Variants in GP9 observed in about 807,000 individuals in gnomAD.
The protein encoded by GP9 is glycoprotein IX platelet.
For missense variants in GP9, 228 were observed against 241.8 expected (o/e 0.94, Z 0.38); for synonymous variants, 116 against 116.7 (o/e 0.99, Z 0.04).
upstream of GP9, among the ~76,000 whole-genome samples, chr3:129,058,801 T>C (rs936297013): frequency 6.6e-6 from 1 of 152,274 alleles, no homozygotes; most frequent in East Asian, 1.9e-4. Flanking sequence ...ACCTCTGCTA[T>C]GCACTGCTGC....
chr3:129,061,461 C>T (rs941584423), intron 1 of GP9, 33 bp from the exon 2 acceptor site: 73 of 562,412 alleles, frequency 1.3e-4, no homozygotes, highest in Non-Finnish European at 2.1e-4. Flanking sequence ...AAGTCCCTTC[C>T]CCTTCCCAAA....
rs749625028 is a variant in GP9, at chr3:129,061,950, T to C, written c.211T>C (p.Phe71Leu). The C allele has an allele frequency of 1.2e-6, 2 of 1,613,768 alleles. No homozygotes were observed. Among genetic ancestry groups the C allele is most frequent in the African/African-American group, 1.3e-5 (1 of 74,928 alleles). The change falls in exon 3 of 3, where the codon TTT (phenylalanine) becomes CTT (leucine). Residue 71 changes from phenylalanine to leucine, a missense_variant. Transcript: ENST00000307395. Reference protein sequence around the residue: ...NSLQSVPPGAFDHLPQLQTLD... With the variant: ...NSLQSVPPGALDHLPQLQTLD... ...CCTTCAGTCCGTGCCCCCGGGAGCCTTTGACCACCTGCCCCAGCTGCAGAC... is the reference window on the plus strand; with the variant it reads ...CCTTCAGTCCGTGCCCCCGGGAGCCCTTGACCACCTGCCCCAGCTGCAGAC...
upstream of GP9, among the ~76,000 whole-genome samples, chr3:129,057,830 C>CTTTTTTTT (rs869136524): frequency 8.1e-6 from 1 of 123,928 alleles, no homozygotes; most frequent in Non-Finnish European, 1.8e-5. Context: ...TAGGTTGCTT[C>CTTTTTTTT]TTTTTTTTTT....
At position 129,061,543 on chromosome 3, in the gene GP9, C is replaced by T. The variant is rs999397460; in HGVS notation, c.-89C>T. ...CGGTGTCCAGAGACAGTTAGCCAGGCCTGGGCTGGGCACACTCCACCTTCC... is the reference window on the plus strand; with the variant it reads ...CGGTGTCCAGAGACAGTTAGCCAGGTCTGGGCTGGGCACACTCCACCTTCC... On this transcript the variant is annotated 5_prime_UTR_variant, in exon 2 of 3. Coordinates refer to ENST00000307395, the MANE Select transcript of GP9 (RefSeq NM_000174.5). The T allele has an allele frequency of 3.1e-6, 2 of 636,306 alleles. No individual in the cohort carries two copies. The highest frequency in any genetic ancestry group is 2.3e-5 in the Admixed American group (1 of 43,034). 39.4% of individuals were successfully genotyped at this position (636,306 alleles called of 1,614,324 possible).
chr3:129,059,735 C>T (rs1450126439), upstream of GP9, among the ~76,000 whole-genome samples: 1 of 152,176 alleles, frequency 6.6e-6, no homozygotes, highest in African/African-American at 2.4e-5. Flanking sequence ...GAACAGGCGG[C>T]CTCCCAAGGA....
At chr3:129,057,567 G>C (rs963411635), upstream of GP9, among the ~76,000 whole-genome samples, 1 of 152,128 alleles carries the variant, frequency 6.6e-6, no homozygotes, top group Non-Finnish European at 1.5e-5. Flanking sequence ...TGACCACAGG[G>C]GCACGGGTTT....
At position 129,062,274 on chromosome 3, in the gene GP9, G is replaced by T; in HGVS notation, c.*1G>T. On this transcript the variant is annotated 3_prime_UTR_variant, in exon 3 of 3. Transcript: ENST00000307395. ...TGCCACCACAGAGGCCCTGGATTGA[G>T]CCAGGCCCCCAGAACCCCTGGCTCC... 1 of 1,544,112 alleles carries T rather than the reference G, an allele frequency of 6.5e-7. No homozygotes were observed. The highest frequency in any genetic ancestry group is 8.7e-7 in the Non-Finnish European group (1 of 1,143,572).
chr3:129,061,487 T>A lies in GP9; in HGVS notation c.-138-7T>A. On this transcript the variant is annotated splice_polypyrimidine_tract_variant and splice_region_variant and intron_variant, in intron 1 of 2. Transcript: ENST00000307395. ...CCTTCCCAAAAACAAACTTACCCAA[T>A]CCACAGCCGCCCTCACCGCCCGGCC... The A allele has an allele frequency of 1.7e-6, 1 of 588,586 alleles. No individual in the cohort carries two copies. The highest frequency in any genetic ancestry group is 3.0e-6 in the Non-Finnish European group (1 of 328,972). The allele number at this position is 588,586 out of a possible 1,614,324, so 36.5% of individuals were successfully genotyped here. A position where few individuals can be genotyped will look rare whatever the true frequency, so the allele number is the denominator to read the frequency against.
chr3:129,062,305 AG>A lies in GP9; in HGVS notation c.*37del. ...CCCCCAGAACCCCTGGCTCCAGGCC[AG>A]GGGGCCAGTCCCTGAGGCAGGTCCC... On this transcript the variant is annotated 3_prime_UTR_variant, in exon 3 of 3. Transcript: ENST00000307395. 1.4e-5 allele frequency: 21 copies of A among 1,475,712 alleles called. No individual in the cohort carries two copies. The highest frequency in any genetic ancestry group is 3.7e-5 in the South Asian group (3 of 81,652). 91.4% of individuals were successfully genotyped at this position (1,475,712 alleles called of 1,614,324 possible).
upstream of GP9, among the ~76,000 whole-genome samples, chr3:129,056,174 G>T (rs1946520542): frequency 6.6e-6 from 1 of 152,214 alleles, no homozygotes; most frequent in South Asian, 2.1e-4. Flanking sequence ...CAAGTAAGTA[G>T]CAAAACCAGG....
the GP9 span, among the ~76,000 whole-genome samples, chr3:129,055,334 A>G: frequency 4.6e-5 from 7 of 152,252 alleles, no homozygotes; most frequent in Non-Finnish European, 1.0e-4. Context: ...TTAAGAAAGA[A>G]AGTTTGTATG....
upstream of GP9, among the ~76,000 whole-genome samples, chr3:129,056,865 C>A (rs543089180): frequency 6.6e-6 from 1 of 152,258 alleles, no homozygotes; most frequent in Admixed American, 6.5e-5. Flanking sequence ...GGCTAGCCTA[C>A]CACGAAGCTT....
chr3:129,061,254 C>T (rs551488849), intron 1 of GP9, among the ~76,000 whole-genome samples: 5 of 152,310 alleles, frequency 3.3e-5, no homozygotes, highest in East Asian at 1.9e-4. Context: ...AGCCAGTGTC[C>T]CTGTCCTGCT....
upstream of GP9, among the ~76,000 whole-genome samples, chr3:129,060,125 G>C (rs1385716734): frequency 1.3e-5 from 2 of 152,162 alleles, no homozygotes; most frequent in Admixed American, 6.5e-5. Flanking sequence ...ATGGAAAATG[G>C]TGTCCCTCCC....
chr3:129,060,912 G>A (rs1221279330), intron 1 of GP9, 62 bp downstream of exon 1: 1 of 152,622 alleles, frequency 6.6e-6, no homozygotes, highest in Non-Finnish European at 1.5e-5. Context: ...GTCAGTTCCT[G>A]TCCCTTTAAC....
rs1559984626 is a variant in GP9 at position 129,062,176 on chromosome 3, C to CG, written c.442dup (p.Val148GlyfsTer67). 2 of 1,576,402 alleles carry CG rather than the reference C, an allele frequency of 1.3e-6. No individual in the cohort carries two copies. Among genetic ancestry groups the CG allele is most frequent in the Non-Finnish European group, 1.7e-6 (2 of 1,165,574 alleles). ...CAGCTGCAGGCGTCCTGGGTGCGCC[C>CG]GGGGGTCTTGTGGGACGTGGCGCTG... On this transcript the variant is annotated frameshift_variant, in exon 3 of 3. Coordinates refer to ENST00000307395, the MANE Select transcript of GP9 (RefSeq NM_000174.5). LOFTEE classifies it low-confidence loss of function (END_TRUNC).
chr3:129,062,012 C>T lies in GP9; in HGVS notation c.273C>T (p.Cys91=), dbSNP rs1383347770. 3.1e-6 allele frequency: 5 copies of T among 1,613,562 alleles called. No individual in the cohort carries two copies. Among genetic ancestry groups the T allele is most frequent in the Non-Finnish European group, 4.2e-6 (5 of 1,179,868 alleles). Residue 91 remains cysteine (C), a synonymous_variant, in exon 3 of 3, where the codon TGC becomes TGT. Coordinates refer to ENST00000307395, the MANE Select transcript of GP9 (RefSeq NM_000174.5). ...CGCAGAACCCCTGGCACTGTGACTG[C>T]AGCCTCACCTATCTGCGCCTCTGGC... ...DVTQNPWHCD[C]SLTYLRLWLE...
the GP9 span, among the ~76,000 whole-genome samples, chr3:129,055,395 A>T: frequency 6.6e-6 from 1 of 152,290 alleles, no homozygotes; most frequent in Non-Finnish European, 1.5e-5. Context: ...ACAAACTAAC[A>T]TCACAATAAG....
At chr3:129,057,829 T>TTTTTTTTTTTTTTTTTTTTTTTTTTTTG (rs1946535149), upstream of GP9, among the ~76,000 whole-genome samples, 1 of 144,758 alleles carries the variant, frequency 6.9e-6, no homozygotes. Flanking sequence ...ATAGGTTGCT[T>TTTTTTTTTTTTTTTTTTTTTTTTTTTTG]CTTTTTTTTT....
Sources: allele counts gnomAD v4.1 joint callset (sites outside exome capture counted in the v4.1 genomes callset), GRCh38; gene constraint gnomAD v4.1.1; transcripts MANE v1.5; gene names NCBI Gene and HGNC (gene_info 2026-07-23, HGNC 2026-07-21).